Variants in GAPVD1 observed in about 807,000 individuals in gnomAD.
The protein encoded by GAPVD1 is GTPase activating protein and VPS9 domains 1.
GAPVD1 carries 35 observed loss-of-function variants against 155.5 expected under a neutral mutation model. That is an observed-to-expected ratio of 0.23 (90% confidence interval 0.17 to 0.30). The LOEUF is 0.30. GAPVD1 is among the 10% of genes least tolerant of loss of function. The probability of loss-of-function intolerance (pLI) is 1.00; values close to 1 mark genes in which losing one functional copy is unlikely to be tolerated. For missense variants in GAPVD1, 1,429 were observed against 1,775.7 expected, an observed-to-expected ratio of 0.80 and a Z score of 3.51; for synonymous variants, 636 against 619.7, an observed-to-expected ratio of 1.03 and a Z score of -0.39.
At position 125,337,309 on chromosome 9, in the gene GAPVD1, A is replaced by G; in HGVS notation, c.2595A>G (p.Gly865=). 1.9e-6 allele frequency: 3 copies of G among 1,614,176 alleles called. No homozygotes were observed. Among genetic ancestry groups the G allele is most frequent in the Non-Finnish European group, 2.5e-6 (3 of 1,180,024 alleles). The change falls in exon 17 of 28, where the codon GGA becomes GGG. Residue 865 remains glycine (G), a synonymous_variant. Transcript: ENST00000297933. ...CCCCAATCCTGGAAGGAGCTGTGGG[A>G]GGAAATGAGGCCAGGTTGCCAAACT... The part of the protein sequence containing the change: ...PDPPILEGAV[G]GNEARLPNFG...
chr9:125,293,124 C>T (rs1042178489), intron 2 of GAPVD1, among the ~76,000 whole-genome samples: 17 of 152,152 alleles, frequency 1.1e-4, no homozygotes, highest in African/African-American at 4.1e-4. Context: ...GAGAGTAGAA[C>T]TTGGTGACAG....
intron 20 of GAPVD1, 46 bp from the exon 21 acceptor site, chr9:125,349,344 C>A: frequency 6.4e-7 from 1 of 1,569,734 alleles, no homozygotes; most frequent in Non-Finnish European, 8.7e-7. Context: ...CCATAATATT[C>A]CAAATGAACC....
chr9:125,355,346 C>T (rs58133503), intron 24 of GAPVD1, among the ~76,000 whole-genome samples: 17 of 152,282 alleles, frequency 1.1e-4, no homozygotes, highest in African/African-American at 3.4e-4. Context: ...CCTCGTGATC[C>T]GCCCACCTCG....
intron 24 of GAPVD1, 25 bp downstream of exon 24, chr9:125,354,866 C>G (rs1259582223): frequency 2.0e-6 from 3 of 1,489,376 alleles, no homozygotes; most frequent in African/African-American, 1.4e-5. Context: ...TTAGTTTAAG[C>G]ATCTCTTCAC....
At position 125,311,512 on chromosome 9, in the gene GAPVD1, T is replaced by C. The variant is rs987287522; in HGVS notation, c.1442-940T>C. ...GGTGTCTGCCTGTAATCCCAGCTAC[T>C]TGGGAGGCTGAGGCAGGAGAATTGC... On this transcript the variant is annotated intron_variant, in intron 8 of 27. Coordinates refer to ENST00000297933, the MANE Select transcript of GAPVD1 (RefSeq NM_001282680.3). Among the ~76,000 whole-genome samples the C allele has an allele frequency of 3.3e-5, 5 of 152,024 alleles. No individual in the cohort carries two copies. In the East Asian group the frequency reaches 7.8e-4, roughly 24 times the overall value.
chr9:125,309,423 C>T (rs1842329401), intron 8 of GAPVD1: 1 of 152,120 alleles, frequency 6.6e-6, no homozygotes, highest in South Asian at 2.1e-4. Context: ...CAACCTCTGC[C>T]TTCCAGGTTC....
At position 125,360,380 on chromosome 9, in the gene GAPVD1, A is replaced by AG. The variant is rs1850729827; in HGVS notation, c.4045-144dup. 1.7e-5 allele frequency: 10 copies of AG among 588,682 alleles called. No homozygotes were observed. The East Asian group carries it at 2.6e-4, about 15-fold the overall frequency. The allele number at this position is 588,682 out of a possible 1,614,324, so 36.5% of individuals were successfully genotyped here. A position where few individuals can be genotyped will look rare whatever the true frequency, so the allele number is the denominator to read the frequency against. ...GTTCTAAAGTTACAATCTTTAGTGA[A>AG]GGGGAAAGGGGCCTGCAATATGGTT... On this transcript the variant is annotated intron_variant, in intron 26 of 27. Coordinates refer to ENST00000297933, the MANE Select transcript of GAPVD1 (RefSeq NM_001282680.3).
chr9:125,341,056 G>A, intron 17 of GAPVD1, 121 bp from the exon 18 acceptor site: 1 of 689,896 alleles, frequency 1.4e-6, no homozygotes, highest in East Asian at 2.8e-5. Flanking sequence ...CTGCACTCCA[G>A]CCTGGGCAAC....
chr9:125,326,816 C>T (rs889570953), intron 12 of GAPVD1, among the ~76,000 whole-genome samples: 3 of 151,086 alleles, frequency 2.0e-5, no homozygotes, highest in African/African-American at 7.3e-5. Context: ...CCATCCTCCT[C>T]CCAGCTGCCC....
chr9:125,296,358 G>GTTTTTTTGTTTGT lies in GAPVD1; in HGVS notation c.-33+791_-33+792insGTTTGTTTTTTTT, dbSNP rs1554758521. ...ACACCCGGCCACATATAGTTCTTAG[G>GTTTTTTTGTTTGT]TTTTTTTTTTTTTTTGAGATGGAGT... On this transcript the variant is annotated intron_variant, in intron 3 of 27. Coordinates refer to ENST00000297933, the MANE Select transcript of GAPVD1 (RefSeq NM_001282680.3). Among the ~76,000 whole-genome samples, 6 of 121,758 alleles carry GTTTTTTTGTTTGT rather than the reference G, an allele frequency of 4.9e-5. 1 individual carries two copies. Among genetic ancestry groups the GTTTTTTTGTTTGT allele is most frequent in the African/African-American group, 2.1e-4 (6 of 28,166 alleles). The allele number at this position is 121,758 out of a possible 152,430, so 79.9% of individuals were successfully genotyped here.
Position 125,280,225 on chromosome 9 carries a change from C to T in GAPVD1, c.-150+11241C>T, listed in dbSNP as rs576030254. 1.7e-3 allele frequency among the ~76,000 whole-genome samples: 258 copies of T among 150,706 alleles called. 1 individual carries two copies. The highest frequency in any genetic ancestry group is 6.0e-3 in the African/African-American group (248 of 41,328). On this transcript the variant is annotated intron_variant, in intron 2 of 27. Transcript: ENST00000297933. ...CAGCCTGACCAACATGGAGAAACCCCGTCTCCACTAAAAATACAAAATCAG... is the reference window on the plus strand; with the variant it reads ...CAGCCTGACCAACATGGAGAAACCCTGTCTCCACTAAAAATACAAAATCAG...
intron 2 of GAPVD1, among the ~76,000 whole-genome samples, chr9:125,275,152 T>C (rs1353971286): frequency 6.6e-6 from 1 of 150,560 alleles, no homozygotes; most frequent in East Asian, 2.0e-4. Context: ...CTCGGCTCAC[T>C]GCAACCTCTG....
chr9:125,308,923 GAGA>G (rs1333913576), intron 8 of GAPVD1: 1 of 152,196 alleles, frequency 6.6e-6, no homozygotes, highest in African/African-American at 2.4e-5. Flanking sequence ...GTGGTATCAG[GAGA>G]AGATCTTGGA....
chr9:125,292,267 C>T (rs952108467), intron 2 of GAPVD1, among the ~76,000 whole-genome samples: 1 of 152,010 alleles, frequency 6.6e-6, no homozygotes, highest in Non-Finnish European at 1.5e-5. Context: ...ACAACAACAA[C>T]AAAAGAAACA....
chr9:125,262,420 C>T (rs1052762279), intron 1 of GAPVD1, among the ~76,000 whole-genome samples: 2 of 151,954 alleles, frequency 1.3e-5, no homozygotes, highest in Non-Finnish European at 2.9e-5. Flanking sequence ...AACACAGACA[C>T]TCACTGTACT....
At chr9:125,323,978 A>T in intron 11 of GAPVD1, 55 bp downstream of exon 11, 1 of 1,523,670 alleles carries the variant, frequency 6.6e-7, no homozygotes, top group Non-Finnish European at 9.0e-7. Context: ...CCTGATTGCA[A>T]GATGAGCAGT....
intron 2 of GAPVD1, among the ~76,000 whole-genome samples, chr9:125,293,850 T>TATATATAAATATA (rs1839165489): frequency 2.3e-5 from 1 of 42,866 alleles, no homozygotes; most frequent in African/African-American, 1.2e-4. Flanking sequence ...TAAAAATATA[T>TATATATAAATATA]TTTATATATA....
rs770453033 is a variant in GAPVD1 at position 125,354,702 on chromosome 9, A to G, written c.3618A>G (p.Leu1206=). The G allele has an allele frequency of 4.3e-6, 7 of 1,613,674 alleles. No individual in the cohort carries two copies. The highest frequency in any genetic ancestry group is 5.9e-6 in the Non-Finnish European group (7 of 1,179,638). ...IAYLTRCRQG[L]QTTQAHLERL... ...ATCTCACTCGTTGTCGACAAGGACT[A>G]CAGACCACACAGGCTCACCTGGAAA... Residue 1206 remains leucine, a synonymous_variant, in exon 24 of 28, where the codon CTA becomes CTG. Transcript: ENST00000297933.
chr9:125,295,118 A>G (rs1839638924), intron 2 of GAPVD1, among the ~76,000 whole-genome samples: 2 of 151,858 alleles, frequency 1.3e-5, no homozygotes, highest in Admixed American at 6.6e-5. Flanking sequence ...TAAGAGTTCA[A>G]TTAGGAAAAA....
Sources: gnomAD v4.1 joint callset for allele counts (sites outside exome capture counted in the v4.1 genomes callset) on GRCh38, gnomAD v4.1.1 for gene constraint, MANE v1.5 for transcripts, NCBI Gene and HGNC (gene_info 2026-07-23, HGNC 2026-07-21) for gene names.